Variants in RNF150 observed in about 807,000 individuals in gnomAD.
RNF150 encodes ring finger protein 150.
A neutral mutation model predicts 39.3 loss-of-function variants in RNF150; 24 were observed. That is an observed-to-expected ratio of 0.61 (90% CI 0.44 to 0.86). The LOEUF is 0.86. RNF150 is among the 40% of genes least tolerant of loss of function. The pLI is 0.00. For synonymous variants in RNF150, 255 were observed against 227.3 expected, an observed-to-expected ratio of 1.12 and a Z score of -1.10; for missense variants, 502 against 587.8, an observed-to-expected ratio of 0.85 and a Z score of 1.51.
rs563735897 is a variant in RNF150 at position 141,152,886 on chromosome 4, G to T, written c.-6+59908C>A. 7.9e-5 allele frequency among the ~76,000 whole-genome samples: 12 copies of T among 152,132 alleles called. No homozygotes were observed. The South Asian group carries it at 2.5e-3, about 32-fold the overall frequency. ...TGGGATACATGTGCAGAATATGCAG[G>T]TTTTTTACATATGTAAATGTGTGTC... is the stretch of plus-strand genomic sequence containing the variant. On this transcript the variant is annotated intron_variant, in intron 1 of 7. Transcript: ENST00000420921.
intron 1 of RNF150, among the ~76,000 whole-genome samples, chr4:140,976,923 C>T (rs1383019907): frequency 6.6e-6 from 1 of 151,980 alleles, no homozygotes; most frequent in African/African-American, 2.4e-5. Flanking sequence ...CCCTGCTTTC[C>T]TCTATTTTGG....
chr4:141,148,621 T>G (rs532286948), intron 1 of RNF150, among the ~76,000 whole-genome samples: 4 of 152,156 alleles, frequency 2.6e-5, no homozygotes, highest in African/African-American at 9.6e-5. Flanking sequence ...TTTTGTATTT[T>G]CTAGAGACAG....
intron 5 of RNF150, among the ~76,000 whole-genome samples, chr4:140,914,767 C>T (rs965928857): frequency 2.0e-5 from 3 of 152,126 alleles, no homozygotes; most frequent in African/African-American, 2.4e-5. Context: ...TTATATTTCC[C>T]GTAGCAAAAT....
chr4:141,207,488 T>C (rs966945578), intron 1 of RNF150, among the ~76,000 whole-genome samples: 3 of 152,092 alleles, frequency 2.0e-5, no homozygotes, highest in African/African-American at 7.2e-5. Flanking sequence ...GGACAGCCTC[T>C]GAGAGCAAAG....
rs186050164 is a variant in RNF150, at chr4:141,069,894, C to T, written c.484+62431G>A. Among the ~76,000 whole-genome samples the T allele has an allele frequency of 1.6e-3, 237 of 152,204 alleles. 2 individuals are homozygous for T. Among genetic ancestry groups the T allele is most frequent in the African/African-American group, 5.0e-3 (209 of 41,536 alleles). Reference sequence around the variant, plus strand: ...TGATGGTAGTTTGTATTTGTGGGATCGGTGGTGATATCCCCTTTATCATTT... The same window carrying T: ...TGATGGTAGTTTGTATTTGTGGGATTGGTGGTGATATCCCCTTTATCATTT... On this transcript the variant is annotated intron_variant, in intron 1 of 6. Coordinates refer to ENST00000515673, the MANE Select transcript of RNF150 (RefSeq NM_020724.2).
At chr4:141,144,898 G>A (rs1022395786) in intron 1 of RNF150, among the ~76,000 whole-genome samples, 2 of 152,086 alleles carry the variant, frequency 1.3e-5, no homozygotes, top group Non-Finnish European at 2.9e-5. Flanking sequence ...AGATGCTCCA[G>A]TAACAAAAAT....
chr4:140,919,571 T>C (rs1445617988), intron 5 of RNF150, among the ~76,000 whole-genome samples: 2 of 151,168 alleles, frequency 1.3e-5, no homozygotes, highest in Non-Finnish European at 2.9e-5. Context: ...TCCATGCTCA[T>C]GGGTAGGAAG....
At chr4:140,883,497 G>A (rs1330269784) in intron 6 of RNF150, among the ~76,000 whole-genome samples, 2 of 152,112 alleles carry the variant, frequency 1.3e-5, no homozygotes, top group Non-Finnish European at 2.9e-5. Flanking sequence ...TTGTTAATCT[G>A]GGCAAGTCTT....
In RNF150 at chr4:140,917,118, G is replaced by A. The variant is rs1452541255; in HGVS notation, c.988-5764C>T. Among the ~76,000 whole-genome samples, 8 of 152,212 alleles carry A rather than the reference G, an allele frequency of 5.3e-5. 1 individual carries two copies. Among genetic ancestry groups the A allele is most frequent in the African/African-American group, 1.9e-4 (8 of 41,448 alleles). On this transcript the variant is annotated intron_variant, in intron 5 of 6. Coordinates refer to ENST00000515673, the MANE Select transcript of RNF150 (RefSeq NM_020724.2). The stretch of plus-strand genomic sequence containing the variant: ...AAATTGTAAAGACCATCAAGGCTAG[G>A]AAGAAACTGCATCAACTAATGAGCA...
At chr4:141,204,156 C>T (rs1728338379) in intron 1 of RNF150, among the ~76,000 whole-genome samples, 1 of 152,060 alleles carries the variant, frequency 6.6e-6, no homozygotes. Flanking sequence ...GAATAGGCTG[C>T]AGTTTTGAAG....
At chr4:140,991,418 G>A (rs1734193966) in intron 1 of RNF150, among the ~76,000 whole-genome samples, 1 of 151,904 alleles carries the variant, frequency 6.6e-6, no homozygotes, top group Non-Finnish European at 1.5e-5. Flanking sequence ...TGAAATCTTT[G>A]CCTGTGCCTA....
At chr4:140,946,762 T>TC (rs1035587907) in intron 4 of RNF150, among the ~76,000 whole-genome samples, 2 of 152,316 alleles carry the variant, frequency 1.3e-5, no homozygotes, top group Non-Finnish European at 2.9e-5. Flanking sequence ...TGTCTTGGAC[T>TC]CCCAAAGCAT....
At chr4:141,021,618 T>C (rs1040193010) in intron 1 of RNF150, among the ~76,000 whole-genome samples, 1 of 152,128 alleles carries the variant, frequency 6.6e-6, no homozygotes, top group African/African-American at 2.4e-5. Context: ...ACACTAAACA[T>C]ATGGATTGAA....
chr4:141,195,409 G>T (rs1728184935), intron 1 of RNF150, among the ~76,000 whole-genome samples: 2 of 152,110 alleles, frequency 1.3e-5, no homozygotes, highest in South Asian at 4.2e-4. Flanking sequence ...AATTTATGTG[G>T]TTTTCTCCCT....
At chr4:141,155,458 A>G (rs532427951) in intron 1 of RNF150, among the ~76,000 whole-genome samples, 2 of 152,258 alleles carry the variant, frequency 1.3e-5, no homozygotes, top group East Asian at 3.9e-4. Context: ...CAGGCCGAGA[A>G]GCATAGATTC....
intron 2 of RNF150, among the ~76,000 whole-genome samples, chr4:140,955,907 C>A (rs1732730818): frequency 6.6e-6 from 1 of 152,134 alleles, no homozygotes; most frequent in Admixed American, 6.6e-5. Context: ...GGCACATGGG[C>A]CATGTACATG....
chr4:141,078,756 C>G (rs867864158), intron 1 of RNF150, among the ~76,000 whole-genome samples: 43 of 137,300 alleles, frequency 3.1e-4, no homozygotes, highest in African/African-American at 7.8e-4. Context: ...TGCCACTGCA[C>G]TCCAGCCTGG....
At chr4:140,877,139 G>T (rs1729185125) in intron 6 of RNF150, among the ~76,000 whole-genome samples, 1 of 152,142 alleles carries the variant, frequency 6.6e-6, no homozygotes, top group Non-Finnish European at 1.5e-5. Flanking sequence ...ACTTCATCTA[G>T]CAGGGGAAAG....
At chr4:140,903,469 GTTATC>G (rs1363099478) in intron 6 of RNF150, among the ~76,000 whole-genome samples, 1 of 152,056 alleles carries the variant, frequency 6.6e-6, no homozygotes, top group Admixed American at 6.6e-5. Context: ...AAACACAAAT[GTTATC>G]TTATTTACAC....
Sources: allele counts gnomAD v4.1 joint callset (sites outside exome capture counted in the v4.1 genomes callset), GRCh38; gene constraint gnomAD v4.1.1; transcripts MANE v1.5; gene names NCBI Gene and HGNC (gene_info 2026-07-23, HGNC 2026-07-21).